STK4: variants seen among roughly 807,000 people sequenced by gnomAD.
STK4 encodes serine/threonine-protein kinase 4.
In STK4, 30 loss-of-function variants were observed where a neutral mutation model predicts 64.9. The observed-to-expected ratio is 0.46, with a 90% CI of 0.35 to 0.63. The LOEUF (loss-of-function observed/expected upper bound fraction) is 0.63, where lower values mean the gene tolerates loss of function less well. Among genes scored for constraint, STK4 ranks in the 20% least tolerant of loss-of-function variants. The pLI is 0.01. For missense variants in STK4, 466 were observed against 598.5 expected (o/e 0.78, Z 2.31); for synonymous variants, 177 against 199.0 (o/e 0.89, Z 0.93).
Position 45,078,835 on chromosome 20 carries a change from G to C in STK4, c.*3659G>C, listed in dbSNP as rs1356366026. The C allele has an allele frequency of 6.6e-6, 1 of 152,318 alleles. No individual in the cohort carries two copies. The highest frequency in any genetic ancestry group is 2.4e-5 in the African/African-American group (1 of 41,368). 9.4% of individuals were successfully genotyped at this position (152,318 alleles called of 1,614,324 possible). The stretch of plus-strand genomic sequence containing the variant: ...ATTTATACCATTTAAAACTCAGTAA[G>C]TCTTTTAAATATCAGGAAGGAGAGA... On this transcript the variant is annotated 3_prime_UTR_variant, in exon 11 of 11. Coordinates refer to ENST00000372806, the MANE Select transcript of STK4 (RefSeq NM_006282.5).
At chr20:45,073,707 T>C (rs1006661569) in intron 10 of STK4, among the ~76,000 whole-genome samples, 2 of 152,178 alleles carry the variant, frequency 1.3e-5, no homozygotes, top group African/African-American at 4.8e-5. Context: ...CAGCCAATAT[T>C]GGCCAGGCTT....
At chr20:45,066,262 C>T (rs1979570385) in intron 10 of STK4, among the ~76,000 whole-genome samples, 1 of 151,778 alleles carries the variant, frequency 6.6e-6, no homozygotes, top group African/African-American at 2.4e-5. Context: ...TGGTTTTGGA[C>T]ATCCACTGGA....
Position 45,006,325 on chromosome 20 carries a change from C to T in STK4, c.1147+4972C>T, listed in dbSNP as rs184920557. Among the ~76,000 whole-genome samples the T allele has an allele frequency of 4.2e-3, 635 of 150,712 alleles. 2 individuals carry two copies. Among genetic ancestry groups the T allele is most frequent in the African/African-American group, 0.015 (617 of 41,164 alleles). ...CTATGTTGTCCAGGCAGGTCTTGAA[C>T]TCCTGGGCTCGTCATCCTCCTACCT... On this transcript the variant is annotated intron_variant, in intron 9 of 10. Coordinates refer to ENST00000372806, the MANE Select transcript of STK4 (RefSeq NM_006282.5).
chr20:45,011,141 G>A (rs1040563190), intron 9 of STK4, among the ~76,000 whole-genome samples: 2 of 152,082 alleles, frequency 1.3e-5, no homozygotes, highest in Non-Finnish European at 2.9e-5. Context: ...TGTTTTTGTT[G>A]TTGTTTTTGT....
intron 10 of STK4, among the ~76,000 whole-genome samples, chr20:45,062,979 C>T (rs1163049185): frequency 1.8e-3 from 205 of 116,076 alleles, no homozygotes; most frequent in South Asian, 3.0e-3. Context: ...TGTGAGCCAC[C>T]GCACCCGGCC....
chr20:45,014,527 T>A (rs1376325188), intron 9 of STK4, among the ~76,000 whole-genome samples: 4 of 152,274 alleles, frequency 2.6e-5, no homozygotes, highest in South Asian at 4.1e-4. Flanking sequence ...AAGTATATAT[T>A]TGAAAGCAAA....
At chr20:45,073,992 G>A (rs945506618) in intron 10 of STK4, among the ~76,000 whole-genome samples, 1 of 152,202 alleles carries the variant, frequency 6.6e-6, no homozygotes, top group African/African-American at 2.4e-5. Flanking sequence ...CATGGCATCT[G>A]CAACAGGCAG....
At chr20:45,042,221 T>G (rs2068624665) in intron 10 of STK4, among the ~76,000 whole-genome samples, 1 of 151,962 alleles carries the variant, frequency 6.6e-6, no homozygotes, top group Non-Finnish European at 1.5e-5. Context: ...TTCACTCTTC[T>G]TTTGAGCTGT....
intron 10 of STK4, chr20:45,053,235 A>G: frequency 6.9e-7 from 1 of 1,448,958 alleles, no homozygotes; most frequent in Non-Finnish European, 9.6e-7. Context: ...CTGCTGGTGG[A>G]TCGTGCTAGC....
intron 8 of STK4, among the ~76,000 whole-genome samples, chr20:45,000,820 G>A (rs939206901): frequency 6.6e-6 from 1 of 152,026 alleles, no homozygotes; most frequent in African/African-American, 2.4e-5. Context: ...ATATCCTTTT[G>A]GGGAATCTGG....
chr20:45,047,500 T>C (rs187199687), intron 10 of STK4, among the ~76,000 whole-genome samples: 1 of 152,338 alleles, frequency 6.6e-6, no homozygotes, highest in Non-Finnish European at 1.5e-5. Context: ...GTTATTTGAT[T>C]ATGTTATTTG....
intron 2 of STK4, among the ~76,000 whole-genome samples, chr20:44,976,386 T>G (rs1277353053): frequency 1.3e-5 from 2 of 152,208 alleles, no homozygotes; most frequent in Admixed American, 1.3e-4. Flanking sequence ...TTTTCATTCT[T>G]GAGGAAAGAC....
At chr20:44,972,010 A>G (rs1379213450) in intron 1 of STK4, 68 bp from the exon 2 acceptor site, 2 of 1,442,834 alleles carry the variant, frequency 1.4e-6, no homozygotes, top group East Asian at 4.6e-5. Context: ...TATAAAAAAA[A>G]GATATATTTT....
At chr20:45,001,999 G>C (rs978292847) in intron 9 of STK4, among the ~76,000 whole-genome samples, 1 of 152,148 alleles carries the variant, frequency 6.6e-6, no homozygotes, top group African/African-American at 2.4e-5. Flanking sequence ...AGGCACTGTA[G>C]AAATCCCATG....
chr20:45,079,037 T>G lies in STK4; in HGVS notation c.*3861T>G, dbSNP rs973183772. On this transcript the variant is annotated 3_prime_UTR_variant, in exon 11 of 11. Transcript: ENST00000372806. Reference sequence around the variant, plus strand: ...GCCTGAGCAACATGGCAAAATCCCATCTCTACAAAACATCAAAAAAAAAAA... The same window carrying G: ...GCCTGAGCAACATGGCAAAATCCCAGCTCTACAAAACATCAAAAAAAAAAA... 4.0e-5 allele frequency: 6 copies of G among 149,692 alleles called. No individual in the cohort carries two copies. The highest frequency in any genetic ancestry group is 1.5e-4 in the African/African-American group (6 of 39,890). The allele number at this position is 149,692 out of a possible 1,614,324, so 9.3% of individuals were successfully genotyped here.
At chr20:45,051,939 TTTCA>T (rs1314020431) in intron 10 of STK4, among the ~76,000 whole-genome samples, 4 of 152,188 alleles carry the variant, frequency 2.6e-5, no homozygotes, top group Non-Finnish European at 5.9e-5. Context: ...GTCATACCTC[TTTCA>T]TAGGGCTGTC....
chr20:45,017,524 T>C (rs2068164238), intron 9 of STK4, among the ~76,000 whole-genome samples: 1 of 152,168 alleles, frequency 6.6e-6, no homozygotes, highest in Non-Finnish European at 1.5e-5. Context: ...ATTATTCAGG[T>C]TGGCCGAAGC....
At chr20:44,970,143 T>C (rs2145625828) in intron 1 of STK4, among the ~76,000 whole-genome samples, 1 of 152,134 alleles carries the variant, frequency 6.6e-6, no homozygotes, top group African/African-American at 2.4e-5. Flanking sequence ...GACGAGTTAA[T>C]GGGTGCAGCA....
chr20:45,075,227 C>T lies in STK4; in HGVS notation c.*51C>T, dbSNP rs375069525. ...GCTCCACCCAGGCTTTGGGTGAATT[C>T]TGGATGGCTTGCCTCATGTTTGTTA... is the stretch of plus-strand genomic sequence containing the variant. On this transcript the variant is annotated 3_prime_UTR_variant, in exon 11 of 11. Coordinates refer to ENST00000372806, the MANE Select transcript of STK4 (RefSeq NM_006282.5). The T allele has an allele frequency of 1.6e-4, 256 of 1,593,706 alleles. 1 individual carries two copies. Among genetic ancestry groups the T allele is most frequent in the Admixed American group, 8.5e-4 (50 of 58,804 alleles).
Sources: allele counts gnomAD v4.1 joint callset (sites outside exome capture counted in the v4.1 genomes callset), GRCh38; gene constraint gnomAD v4.1.1; transcripts MANE v1.5; gene names NCBI Gene and HGNC (gene_info 2026-07-23, HGNC 2026-07-21).